WDR72: variants seen among roughly 807,000 people sequenced by gnomAD.
The protein encoded by WDR72 is WD repeat-containing protein 72.
A neutral mutation model predicts 124.2 loss-of-function variants in WDR72; 120 were observed. That is an observed-to-expected ratio of 0.97 (90% CI 0.83 to 1.12). The LOEUF (loss-of-function observed/expected upper bound fraction) is 1.12. WDR72 is among the 50% of genes most tolerant of loss of function. The probability of loss-of-function intolerance (pLI) is 0.00; values close to 1 mark genes in which losing one functional copy is unlikely to be tolerated. For synonymous variants in WDR72, 452 were observed against 441.7 expected (o/e 1.02, Z -0.29); for missense variants, 1,387 against 1,278.8 (o/e 1.08, Z -1.29).
Position 53,516,293 on chromosome 15 carries a change from T to C in WDR72, c.*1406A>G, listed in dbSNP as rs1163049595. On this transcript the variant is annotated 3_prime_UTR_variant, in exon 20 of 20. Coordinates refer to ENST00000360509, the MANE Select transcript of WDR72 (RefSeq NM_182758.4). ...CACTCATTTGACATCTTTATCCTGG[T>C]ATGTTTATTCAGATCATCATTAATT... 1.3e-5 allele frequency: 2 copies of C among 152,142 alleles called. No homozygotes were observed. Among genetic ancestry groups the C allele is most frequent in the Non-Finnish European group, 2.9e-5 (2 of 68,000 alleles). 9.4% of individuals were successfully genotyped at this position (152,142 alleles called of 1,614,324 possible). A position where few individuals can be genotyped will look rare whatever the true frequency, so the allele number is the denominator to read the frequency against.
At chr15:53,626,171 G>A (rs934114454) in intron 14 of WDR72, among the ~76,000 whole-genome samples, 1 of 152,160 alleles carries the variant, frequency 6.6e-6, no homozygotes, top group African/African-American at 2.4e-5. Flanking sequence ...ATGGTGGCAA[G>A]CCTCGTGTTC....
At chr15:53,552,486 G>A (rs1893772911) in intron 18 of WDR72, among the ~76,000 whole-genome samples, 1 of 152,064 alleles carries the variant, frequency 6.6e-6, no homozygotes, top group Non-Finnish European at 1.5e-5. Flanking sequence ...TACCCAATCT[G>A]CTATTGAAGC....
At chr15:53,673,467 A>G (rs2016062244) in intron 13 of WDR72, among the ~76,000 whole-genome samples, 1 of 152,218 alleles carries the variant, frequency 6.6e-6, no homozygotes, top group Non-Finnish European at 1.5e-5. Context: ...ATACATAAAT[A>G]CATTTGAGAC....
At chr15:53,587,123 G>T (rs1488019049) in intron 18 of WDR72, among the ~76,000 whole-genome samples, 3 of 151,960 alleles carry the variant, frequency 2.0e-5, no homozygotes. Context: ...GCTTAGGAAC[G>T]CCTTTCACAG....
chr15:53,759,730 GC>G (rs2019021677), upstream of WDR72: 2 of 37,844 alleles, frequency 5.3e-5, no homozygotes, highest in African/African-American at 8.7e-5. Context: ...GCCCCGCCCC[GC>G]CCCGCCCCGG....
At chr15:53,728,138 A>G (rs779368132) in intron 2 of WDR72, among the ~76,000 whole-genome samples, 57 of 152,200 alleles carry the variant, frequency 3.7e-4, no homozygotes, top group Non-Finnish European at 3.7e-4. Flanking sequence ...ACAGTTCCAC[A>G]TGGCTGGGGA....
intron 18 of WDR72, among the ~76,000 whole-genome samples, chr15:53,538,125 T>G (rs1174245096): frequency 6.6e-6 from 1 of 152,160 alleles, no homozygotes; most frequent in East Asian, 1.9e-4. Flanking sequence ...TAAATAAAAA[T>G]TAAATGGAAT....
chr15:53,687,137 T>C (rs943039425), intron 13 of WDR72, among the ~76,000 whole-genome samples: 2 of 147,462 alleles, frequency 1.4e-5, no homozygotes, highest in African/African-American at 5.1e-5. Flanking sequence ...CACCCTAACA[T>C]CACAATTAAA....
At chr15:53,678,104 G>C (rs1337978045) in intron 13 of WDR72, among the ~76,000 whole-genome samples, 3 of 152,152 alleles carry the variant, frequency 2.0e-5, no homozygotes, top group Non-Finnish European at 2.9e-5. Flanking sequence ...GGAATGTTTG[G>C]TTGGCAATAC....
chr15:53,696,503 C>A (rs1042604477), intron 13 of WDR72, among the ~76,000 whole-genome samples: 2 of 152,216 alleles, frequency 1.3e-5, no homozygotes, highest in African/African-American at 4.8e-5. Context: ...TTCACTCATT[C>A]ATTTATCATT....
intron 11 of WDR72, among the ~76,000 whole-genome samples, chr15:53,703,896 A>G (rs2017260323): frequency 1.3e-5 from 2 of 152,320 alleles, no homozygotes; most frequent in South Asian, 4.1e-4. Flanking sequence ...AGGTGCTACA[A>G]GTCAAATATG....
At chr15:53,520,585 T>A (rs542617858) in intron 19 of WDR72, among the ~76,000 whole-genome samples, 1 of 152,148 alleles carries the variant, frequency 6.6e-6, no homozygotes, top group African/African-American at 2.4e-5. Flanking sequence ...TTTTCCCAAA[T>A]CTCACCACCT....
intron 13 of WDR72, among the ~76,000 whole-genome samples, chr15:53,671,498 C>CAG (rs1595836214): frequency 1.3e-5 from 2 of 152,308 alleles, no homozygotes; most frequent in East Asian, 3.9e-4. Context: ...GAGCTTGGTA[C>CAG]AAAGCAGGTC....
intron 18 of WDR72, among the ~76,000 whole-genome samples, chr15:53,567,085 A>T (rs2140300437): frequency 6.6e-6 from 1 of 152,064 alleles, no homozygotes; most frequent in African/African-American, 2.4e-5. Context: ...GAAGCAGGAG[A>T]GCTGCACTCA....
chr15:53,699,637 A>C lies in WDR72; in HGVS notation c.1765+113T>G, dbSNP rs192874007. On this transcript the variant is annotated intron_variant, in intron 13 of 19. Coordinates refer to ENST00000360509, the MANE Select transcript of WDR72 (RefSeq NM_182758.4). ...TGAAGCCATTAAATGCAGCCCAAAC[A>C]AAGGTTAAAGCAAGTGAGGTCATCA... The C allele has an allele frequency of 1.7e-4, 198 of 1,164,544 alleles. 1 individual carries two copies. In the East Asian group the frequency reaches 4.1e-3, roughly 24 times the overall value. 72.1% of individuals were successfully genotyped at this position (1,164,544 alleles called of 1,614,324 possible).
intron 15 of WDR72, among the ~76,000 whole-genome samples, chr15:53,614,070 T>C (rs950719785): frequency 6.6e-6 from 1 of 152,088 alleles, no homozygotes; most frequent in Non-Finnish European, 1.5e-5. Context: ...TTAGGTTACA[T>C]GATTACTGAC....
chr15:53,706,112 A>AAC (rs2017347094), intron 9 of WDR72, 38 bp from the exon 10 acceptor site: 1 of 1,610,492 alleles, frequency 6.2e-7, no homozygotes, highest in Middle Eastern at 1.7e-4. Flanking sequence ...GAAATATTCT[A>AAC]ACTAGAGAGA....
intron 14 of WDR72, among the ~76,000 whole-genome samples, chr15:53,656,124 C>T (rs2015412809): frequency 6.6e-6 from 1 of 152,230 alleles, no homozygotes; most frequent in Admixed American, 6.5e-5. Context: ...GCCCCTGCTG[C>T]TCACAGCAGC....
intron 14 of WDR72, among the ~76,000 whole-genome samples, chr15:53,624,531 T>C (rs942263581): frequency 2.6e-5 from 4 of 152,228 alleles, no homozygotes; most frequent in Admixed American, 6.5e-5. Context: ...CTTATTATTT[T>C]GTGGTCCACA....
Sources: gnomAD v4.1 joint callset for allele counts (sites outside exome capture counted in the v4.1 genomes callset) on GRCh38, gnomAD v4.1.1 for gene constraint, MANE v1.5 for transcripts, NCBI Gene and HGNC (gene_info 2026-07-23, HGNC 2026-07-21) for gene names.